The following HELZ variants were observed in gnomAD, a reference collection of about 807,000 sequenced individuals.
The protein encoded by HELZ is ATP-dependent RNA helicase with zinc finger domain.
In HELZ, 23 loss-of-function variants were observed where a neutral mutation model predicts 218.2. The observed-to-expected ratio is 0.11, with a 90% confidence interval of 0.08 to 0.15. The LOEUF is 0.15. Among genes scored for constraint, HELZ ranks in the 10% least tolerant of loss-of-function variants. The probability of loss-of-function intolerance (pLI) is 1.00; values close to 1 mark genes in which losing one functional copy is unlikely to be tolerated. For missense variants in HELZ, 1,813 were observed against 2,353.7 expected (o/e 0.77, Z 4.75); for synonymous variants, 814 against 829.4 (o/e 0.98, Z 0.32).
chr17:67,116,062 T>G (rs189242102), intron 27 of HELZ, among the ~76,000 whole-genome samples: 3 of 152,146 alleles, frequency 2.0e-5, no homozygotes, highest in Non-Finnish European at 2.9e-5. Flanking sequence ...ACTTTAAGCT[T>G]CCTTTACTGT....
intron 17 of HELZ, among the ~76,000 whole-genome samples, chr17:67,159,342 CTT>C (rs1055756450): frequency 6.6e-6 from 1 of 151,694 alleles, no homozygotes; most frequent in African/African-American, 2.4e-5. Flanking sequence ...CTTTTTTCCT[CTT>C]TTGTTTTTTT....
intron 1 of HELZ, chr17:67,244,939 G>A: frequency 3.0e-6 from 3 of 986,028 alleles, no homozygotes; most frequent in Non-Finnish European, 3.6e-6. Context: ...AGTAGGGGAA[G>A]AAGCTGTAAA....
chr17:67,153,632 T>C (rs987479922), intron 17 of HELZ, among the ~76,000 whole-genome samples: 3 of 152,154 alleles, frequency 2.0e-5, no homozygotes, highest in African/African-American at 7.2e-5. Flanking sequence ...AACAGATGTA[T>C]AATATGTAGC....
chr17:67,113,324 A>G (rs1444112681), intron 28 of HELZ, among the ~76,000 whole-genome samples: 1 of 151,774 alleles, frequency 6.6e-6, no homozygotes, highest in Admixed American at 6.6e-5. Flanking sequence ...CAGTGGCGTG[A>G]TCTTGGCTCA....
chr17:67,200,966 T>G, intron 7 of HELZ, 163 bp downstream of exon 7: 1 of 641,012 alleles, frequency 1.6e-6, no homozygotes, highest in Non-Finnish European at 2.9e-6. Context: ...GATGGGACTG[T>G]GGGTTATGGG....
chr17:67,128,942 TC>T, intron 23 of HELZ, 87 bp from the exon 24 acceptor site: 2 of 1,021,884 alleles, frequency 2.0e-6, no homozygotes, highest in African/African-American at 1.6e-5. Context: ...AATCTCAAAT[TC>T]CACCCCCAAC....
intron 31 of HELZ, among the ~76,000 whole-genome samples, chr17:67,091,727 G>T (rs984028994): frequency 2.6e-5 from 4 of 152,070 alleles, no homozygotes; most frequent in Middle Eastern, 3.2e-3. Flanking sequence ...AATATCATAG[G>T]TATCTTTCCA....
chr17:67,124,549 TG>T (rs762993960), intron 24 of HELZ, among the ~76,000 whole-genome samples: 2 of 152,182 alleles, frequency 1.3e-5, no homozygotes, highest in Non-Finnish European at 2.9e-5. Flanking sequence ...AAAGGGGAAC[TG>T]TCATTATTTG....
chr17:67,089,273 C>A lies in HELZ; in HGVS notation c.5242-2192G>T, dbSNP rs549172726. On this transcript the variant is annotated intron_variant, in intron 31 of 32. Transcript: ENST00000358691. ...CATTAAATAACGAACATACACAAAC[C>A]AGTAGTATAAACGATAACCTTTTTA... Among the ~76,000 whole-genome samples, 14 of 152,144 alleles carry A rather than the reference C, an allele frequency of 9.2e-5. No individual in the cohort carries two copies. The South Asian group carries it at 1.0e-3, about 11-fold the overall frequency.
intron 13 of HELZ, among the ~76,000 whole-genome samples, chr17:67,169,460 C>A (rs117687016): frequency 0.011 from 1,648 of 152,270 alleles, 19 homozygotes; most frequent in South Asian, 0.018. Flanking sequence ...ATTCACTCTT[C>A]TAACAGCCCA....
At chr17:67,163,734 A>C in intron 15 of HELZ, among the ~76,000 whole-genome samples, 1 of 151,570 alleles carries the variant, frequency 6.6e-6, no homozygotes, top group East Asian at 1.9e-4. Flanking sequence ...GATGGGGTCT[A>C]TGTTGCTGAG....
chr17:67,086,869 G>A lies in HELZ; in HGVS notation c.5454C>T (p.Cys1818=). ...TSSTPYQNIP[C]NGSSRTAQPR... The stretch of plus-strand genomic sequence containing the variant: ...GCTGAGCTGTCCTGCTGGATCCATT[G>A]CACGGAATGTTCTGATAAGGAGTAG... The change falls in exon 32 of 33, where the codon TGC becomes TGT. Residue 1818 remains cysteine, a synonymous_variant. Coordinates refer to ENST00000358691, the MANE Select transcript of HELZ (RefSeq NM_014877.4). 1 of 1,613,532 alleles carries A rather than the reference G, an allele frequency of 6.2e-7. No individual in the cohort carries two copies. The highest frequency in any genetic ancestry group is 1.1e-5 in the South Asian group (1 of 91,070).
intron 31 of HELZ, 60 bp downstream of exon 31, chr17:67,107,109 A>G: frequency 7.0e-7 from 1 of 1,424,302 alleles, no homozygotes; most frequent in Non-Finnish European, 9.6e-7. Context: ...TATCAAATCA[A>G]TAAATACTGA....
chr17:67,219,876 C>CGTT (rs1341567563), intron 3 of HELZ, among the ~76,000 whole-genome samples: 3 of 152,188 alleles, frequency 2.0e-5, no homozygotes, highest in African/African-American at 7.2e-5. Flanking sequence ...GGAGTTTACA[C>CGTT]GTTGTTTCTC....
At chr17:67,212,280 A>G (rs1200725937) in intron 5 of HELZ, among the ~76,000 whole-genome samples, 2 of 134,042 alleles carry the variant, frequency 1.5e-5, no homozygotes, top group Admixed American at 8.3e-5. Context: ...GCACCACTGC[A>G]CTCCAACCTG....
intron 12 of HELZ, among the ~76,000 whole-genome samples, chr17:67,187,845 T>C (rs1473583834): frequency 2.6e-5 from 4 of 152,196 alleles, no homozygotes; most frequent in Non-Finnish European, 5.9e-5. Context: ...TTAACACTAG[T>C]GGATGCACAA....
intron 32 of HELZ, among the ~76,000 whole-genome samples, chr17:67,079,045 T>C (rs2036104860): frequency 1.3e-5 from 2 of 152,328 alleles, no homozygotes; most frequent in South Asian, 4.1e-4. Flanking sequence ...TACCCTTCCT[T>C]GTATTATATA....
rs538588190 is a variant in HELZ, at chr17:67,124,700, G to C, written c.3388-686C>G. On this transcript the variant is annotated intron_variant, in intron 24 of 32. Transcript: ENST00000358691. ...AAGTAATCATGCATTTGGGCACAGA[G>C]AGCATGGTTTATGTGTGTAATAAAT... Among the ~76,000 whole-genome samples the C allele has an allele frequency of 1.8e-4, 28 of 152,208 alleles. No homozygotes were observed. In the South Asian group the frequency reaches 2.3e-3, roughly 12 times the overall value.
chr17:67,104,527 C>G (rs2037037489), intron 31 of HELZ, among the ~76,000 whole-genome samples: 1 of 150,530 alleles, frequency 6.6e-6, no homozygotes, highest in African/African-American at 2.4e-5. Context: ...GATATGACAC[C>G]AAAAGCATAA....
Sources: allele counts gnomAD v4.1 joint callset (sites outside exome capture counted in the v4.1 genomes callset), GRCh38; gene constraint gnomAD v4.1.1; transcripts MANE v1.5; gene names NCBI Gene and HGNC (gene_info 2026-07-23, HGNC 2026-07-21).